The following DOCK1 variants were observed in gnomAD, a reference collection of about 807,000 sequenced individuals.
DOCK1 encodes the protein dedicator of cytokinesis 1.
In DOCK1, 138 loss-of-function variants were observed where a neutral mutation model predicts 262.7. The ratio of observed to expected loss-of-function variants is 0.53; its 90% CI spans 0.46 to 0.61. DOCK1 has a LOEUF of 0.61. Ranked by LOEUF, DOCK1 falls within the 20% of genes least tolerant of loss-of-function variation. The probability of loss-of-function intolerance (pLI) is 0.00; values close to 1 mark genes in which losing one functional copy is unlikely to be tolerated. For missense variants in DOCK1, 1,908 were observed against 2,370.7 expected, an observed-to-expected ratio of 0.80 and a Z score of 4.05; for synonymous variants, 866 against 867.4, an observed-to-expected ratio of 1.00 and a Z score of 0.03.
intron 25 of DOCK1, among the ~76,000 whole-genome samples, chr10:127,112,523 A>G (rs2132893812): frequency 6.6e-6 from 1 of 152,304 alleles, no homozygotes. Flanking sequence ...AGTATGCAGG[A>G]TGTGAATAAC....
At chr10:127,306,181 T>C (rs2061868340) in intron 29 of DOCK1, among the ~76,000 whole-genome samples, 1 of 152,046 alleles carries the variant, frequency 6.6e-6, no homozygotes, top group Non-Finnish European at 1.5e-5. Context: ...TGCCCAGCTA[T>C]TTTTTGTATT....
chr10:127,270,991 ATGTGTGTATGTG>A (rs1225412502), intron 29 of DOCK1, among the ~76,000 whole-genome samples: 1 of 111,700 alleles, frequency 9.0e-6, no homozygotes, highest in Non-Finnish European at 2.1e-5. Context: ...AAAGTTATAT[ATGTGTGTATGTG>A]TGTGTGTGTG....
intron 18 of DOCK1, among the ~76,000 whole-genome samples, chr10:127,034,731 G>A (rs1236636568): frequency 6.6e-6 from 1 of 152,126 alleles, no homozygotes; most frequent in Non-Finnish European, 1.5e-5. Flanking sequence ...TCATAATTGG[G>A]TCATGTTCCG....
chr10:126,983,466 C>T (rs1239071058), intron 4 of DOCK1, among the ~76,000 whole-genome samples: 3 of 152,266 alleles, frequency 2.0e-5, no homozygotes, highest in Non-Finnish European at 4.4e-5. Context: ...TGTCCTGTCT[C>T]TCTTGCAGAG....
chr10:127,217,285 A>G (rs1452501943), intron 27 of DOCK1, among the ~76,000 whole-genome samples: 13 of 152,216 alleles, frequency 8.5e-5, no homozygotes, highest in Non-Finnish European at 1.5e-4. Flanking sequence ...ACCCCTGTGA[A>G]ACTGCAGAAC....
At chr10:127,252,443 A>G (rs2134867660) in intron 28 of DOCK1, among the ~76,000 whole-genome samples, 1 of 141,434 alleles carries the variant, frequency 7.1e-6, no homozygotes, top group South Asian at 2.6e-4. Flanking sequence ...TTGGTGTTTT[A>G]GACATGAAGT....
In DOCK1 at chr10:127,229,559, G is replaced by GA. The variant is rs1716768220; in HGVS notation, c.2848-18449_2848-18448insA. ...GTCCATCTATGTTGTTCCAAATGAT[G>GA]GTATTTCCACCTTTTTTAAGGCTGA... On this transcript the variant is annotated intron_variant, in intron 27 of 51. Transcript: ENST00000623213. Among the ~76,000 whole-genome samples, 9 of 152,080 alleles carry GA rather than the reference G, an allele frequency of 5.9e-5. No individual in the cohort carries two copies. The South Asian group carries it at 1.9e-3, about 32-fold the overall frequency.
chr10:127,142,773 G>A (rs138452753), intron 27 of DOCK1, among the ~76,000 whole-genome samples: 28 of 152,236 alleles, frequency 1.8e-4, no homozygotes, highest in African/African-American at 4.1e-4. Flanking sequence ...GGGCTGTGTC[G>A]CCCTCGCTGT....
At chr10:127,438,915 A>T in intron 48 of DOCK1, 112 bp from the exon 49 acceptor site, 1 of 1,185,534 alleles carries the variant, frequency 8.4e-7, no homozygotes, top group Non-Finnish European at 1.2e-6. Flanking sequence ...CTCCCTTTTA[A>T]ATCACTGCTT....
At chr10:127,339,733 G>GTGCATGCA (rs1554951487) in intron 30 of DOCK1, among the ~76,000 whole-genome samples, 1 of 109,336 alleles carries the variant, frequency 9.1e-6, no homozygotes, top group South Asian at 4.1e-4. Flanking sequence ...GTGTGTGTGT[G>GTGCATGCA]TGCATGCTGT....
chr10:127,435,314 G>C lies in DOCK1; in HGVS notation c.5060+1886G>C, dbSNP rs114430033. ...ATCCATCACCCTATCAAACCCACAG[G>C]CATCTGGCCCCCTCAACACACAGAA... On this transcript the variant is annotated intron_variant, in intron 48 of 51. Transcript: ENST00000623213. Among the ~76,000 whole-genome samples, 1,133 of 152,184 alleles carry C rather than the reference G, an allele frequency of 7.4e-3. 14 individuals carry two copies. The highest frequency in any genetic ancestry group is 0.025 in the African/African-American group (1,041 of 41,500).
At chr10:127,223,996 G>A (rs1039361547) in intron 27 of DOCK1, among the ~76,000 whole-genome samples, 2 of 152,074 alleles carry the variant, frequency 1.3e-5, no homozygotes, top group Non-Finnish European at 2.9e-5. Flanking sequence ...TAACTCTGGT[G>A]TTTGTTTTCT....
chr10:127,439,999 C>A (rs140410160), intron 49 of DOCK1, among the ~76,000 whole-genome samples: 3 of 152,056 alleles, frequency 2.0e-5, no homozygotes, highest in Non-Finnish European at 4.4e-5. Flanking sequence ...ACTGAGCCTG[C>A]GTCATTTATG....
At chr10:127,443,685 T>C (rs552683118) in intron 49 of DOCK1, among the ~76,000 whole-genome samples, 2 of 152,266 alleles carry the variant, frequency 1.3e-5, no homozygotes, top group African/African-American at 2.4e-5. Flanking sequence ...ATACTGTGTG[T>C]GTGTATCTCT....
At position 127,185,530 on chromosome 10, in the gene DOCK1, C is replaced by A. The variant is rs186412470; in HGVS notation, c.2847+57766C>A. 4.6e-4 allele frequency among the ~76,000 whole-genome samples: 70 copies of A among 152,220 alleles called. 1 individual carries two copies. The highest frequency in any genetic ancestry group is 1.4e-3 in the Admixed American group (21 of 15,294). On this transcript the variant is annotated intron_variant, in intron 27 of 51. Transcript: ENST00000623213. The stretch of plus-strand genomic sequence containing the variant: ...ATCTTAACACTATACATCACAGTAT[C>A]CTTAGAGCTGGGACCTTAGCTGAGA...
chr10:127,089,399 G>A (rs1204856604), intron 23 of DOCK1, among the ~76,000 whole-genome samples: 1 of 151,942 alleles, frequency 6.6e-6, no homozygotes, highest in Non-Finnish European at 1.5e-5. Context: ...CCTCCACCTA[G>A]CCCCTTCCTT....
chr10:127,012,521 A>C lies in DOCK1; in HGVS notation c.1201+147A>C, dbSNP rs2041538100. 1 of 730,116 alleles carries C rather than the reference A, an allele frequency of 1.4e-6. No homozygotes were observed. Among genetic ancestry groups the C allele is most frequent in the Non-Finnish European group, 2.3e-6 (1 of 425,608 alleles). The allele number at this position is 730,116 out of a possible 1,614,324, so 45.2% of individuals were successfully genotyped here. On this transcript the variant is annotated intron_variant, in intron 12 of 51. Transcript: ENST00000623213. The surrounding 1 kb of genome is among the most constrained non-coding windows in gnomAD (Gnocchi z 4.0). ...GATCGTGGTGGAGAATGTGTGTGACAGTTGCCCCTGTGTACAGTGCATGAT... is the reference window on the plus strand; with the variant it reads ...GATCGTGGTGGAGAATGTGTGTGACCGTTGCCCCTGTGTACAGTGCATGAT...
At chr10:127,197,045 A>T (rs1438273734) in intron 27 of DOCK1, among the ~76,000 whole-genome samples, 1 of 152,078 alleles carries the variant, frequency 6.6e-6, no homozygotes, top group Non-Finnish European at 1.5e-5. Flanking sequence ...TCACCTGCGG[A>T]TGCTGCCTTG....
chr10:127,073,604 A>G (rs2046354312), intron 23 of DOCK1, among the ~76,000 whole-genome samples: 2 of 152,114 alleles, frequency 1.3e-5, no homozygotes, highest in South Asian at 4.1e-4. Flanking sequence ...GAGGCTTGCA[A>G]TTTTCTTTTT....
Sources: gnomAD v4.1 joint callset for allele counts (sites outside exome capture counted in the v4.1 genomes callset) on GRCh38, gnomAD v4.1.1 for gene constraint, Gnocchi (gnomAD v3.1) non-coding constraint, MANE v1.5 for transcripts, NCBI Gene and HGNC (gene_info 2026-07-23, HGNC 2026-07-21) for gene names.